EIF2AK3: variants seen among roughly 807,000 people sequenced by gnomAD.
EIF2AK3 encodes eukaryotic translation initiation factor 2 alpha kinase 3, also known as eukaryotic translation initiation factor 2-alpha kinase 3.
A neutral mutation model predicts 113.5 loss-of-function variants in EIF2AK3; 50 were observed. That is an observed-to-expected ratio of 0.44 (90% confidence interval 0.35 to 0.56). The LOEUF (loss-of-function observed/expected upper bound fraction) is 0.56. EIF2AK3 is among the 20% of genes least tolerant of loss of function. EIF2AK3 has a pLI of 0.00. For missense variants in EIF2AK3, 1,185 were observed against 1,378.0 expected (o/e 0.86, Z 2.22); for synonymous variants, 448 against 495.4 (o/e 0.90, Z 1.27).
rs192721533 is a variant in EIF2AK3, at chr2:88,572,680, C to T, written c.2818-1639G>A. On this transcript the variant is annotated intron_variant, in intron 13 of 16. Transcript: ENST00000303236. The stretch of plus-strand genomic sequence containing the variant: ...TCAACAGTTTAGCCATGTGGGCCAA[C>T]AGATTTCCTTTTCTGGTTAAGTCAG... Among the ~76,000 whole-genome samples the T allele has an allele frequency of 1.2e-3, 176 of 152,328 alleles. 1 individual carries two copies. Among genetic ancestry groups the T allele is most frequent in the African/African-American group, 4.0e-3 (166 of 41,568 alleles).
rs939775563 is a variant in EIF2AK3 at position 88,595,493 on chromosome 2, A to G, written c.609T>C (p.Tyr203=). Reference sequence around the variant, plus strand: ...CCTTTCCACTATATGCACTGAGTCCATATGTAGTCAGAGATTTTCCTCCAA... The same window carrying G: ...CCTTTCCACTATATGCACTGAGTCCGTATGTAGTCAGAGATTTTCCTCCAA... ...VLVGGKSLTT[Y]GLSAYSGKVR... The change falls in exon 3 of 17, where the codon TAT becomes TAC. Residue 203 remains tyrosine (Y), a synonymous_variant. Transcript: ENST00000303236. 1 of 1,614,044 alleles carries G rather than the reference A, an allele frequency of 6.2e-7. No individual in the cohort carries two copies. The highest frequency in any genetic ancestry group is 1.6e-4 in the Middle Eastern group (1 of 6,062).
chr2:88,562,180 T>G, intron 15 of EIF2AK3, 109 bp downstream of exon 15: 1 of 838,452 alleles, frequency 1.2e-6, no homozygotes, highest in Non-Finnish European at 2.0e-6. Context: ...TCACTTTTAG[T>G]TAACCAATCT....
At chr2:88,620,011 G>T (rs1278456684) in intron 1 of EIF2AK3, among the ~76,000 whole-genome samples, 1 of 150,480 alleles carries the variant, frequency 6.6e-6, no homozygotes, top group African/African-American at 2.4e-5. Flanking sequence ...TCTTGCTCTA[G>T]AAGATTCTCA....
At chr2:88,575,501 C>T (rs1674435775) in intron 12 of EIF2AK3, 55 bp from the exon 13 acceptor site, 2 of 1,577,098 alleles carry the variant, frequency 1.3e-6, no homozygotes, top group South Asian at 2.2e-5. Context: ...GATTCAAGTA[C>T]CTGAACTGCA....
chr2:88,582,376 C>T (rs1674621628), intron 10 of EIF2AK3, among the ~76,000 whole-genome samples: 1 of 152,128 alleles, frequency 6.6e-6, no homozygotes, highest in Non-Finnish European at 1.5e-5. Flanking sequence ...ACAATCCAAT[C>T]CAGGCAGAAC....
chr2:88,584,933 C>T (rs1008357714), intron 9 of EIF2AK3, among the ~76,000 whole-genome samples: 11 of 151,886 alleles, frequency 7.2e-5, no homozygotes, highest in African/African-American at 1.5e-4. Context: ...AGGCAGGGTA[C>T]GAATCATTCA....
At chr2:88,598,483 A>G (rs1285009524) in intron 2 of EIF2AK3, among the ~76,000 whole-genome samples, 1 of 152,234 alleles carries the variant, frequency 6.6e-6, no homozygotes, top group Non-Finnish European at 1.5e-5. Context: ...CCTATGTAGT[A>G]TTCCAGCCAA....
upstream of EIF2AK3, chr2:88,627,470 G>A (rs1675902523): frequency 4.9e-6 from 3 of 611,984 alleles, no homozygotes; most frequent in South Asian, 1.3e-4. Flanking sequence ...AGCCTATCTC[G>A]GACATCGCCC....
At chr2:88,590,704 C>A (rs1674865681) in intron 5 of EIF2AK3, 99 bp from the exon 6 acceptor site, 5 of 1,568,886 alleles carry the variant, frequency 3.2e-6, no homozygotes, top group Admixed American at 3.4e-5. Context: ...TATAAAAGCA[C>A]AGAGAACAAG....
In EIF2AK3 at chr2:88,575,176, A is replaced by G; in HGVS notation, c.2307T>C (p.Cys769=). 1 of 1,613,530 alleles carries G rather than the reference A, an allele frequency of 6.2e-7. No individual in the cohort carries two copies. Among genetic ancestry groups the G allele is most frequent in the Non-Finnish European group, 8.5e-7 (1 of 1,179,650 alleles). Residue 769 remains cysteine (C), a synonymous_variant, in exon 13 of 17, where the codon TGT becomes TGC. Transcript: ENST00000303236. ...YNLQDSCLTD[C]DVEDGTMDGN... ...CATCCATAGTCCCATCTTCCACATC[A>G]CAGTCTGTAAGGCAACTGTCCTGGA...
At chr2:88,578,400 T>C (rs1674515149) in intron 11 of EIF2AK3, among the ~76,000 whole-genome samples, 1 of 150,596 alleles carries the variant, frequency 6.6e-6, no homozygotes, top group Non-Finnish European at 1.5e-5. Context: ...ATACAAAAAT[T>C]AGCCGAGTGT....
intron 2 of EIF2AK3, 186 bp from the exon 3 acceptor site, chr2:88,595,849 A>G (rs1370880311): frequency 1.9e-5 from 13 of 683,224 alleles, no homozygotes; most frequent in Middle Eastern, 2.4e-4. Context: ...CCATCAACCA[A>G]AAGTAATTTA....
chr2:88,592,037 CTGCAT>C (rs1240425147), intron 4 of EIF2AK3, among the ~76,000 whole-genome samples: 3 of 152,172 alleles, frequency 2.0e-5, no homozygotes, highest in Non-Finnish European at 4.4e-5. Flanking sequence ...CTGAATTACA[CTGCAT>C]CGGATCAGAC....
chr2:88,573,132 G>A (rs1478218154), intron 13 of EIF2AK3, among the ~76,000 whole-genome samples: 1 of 150,930 alleles, frequency 6.6e-6, no homozygotes, highest in Non-Finnish European at 1.5e-5. Context: ...TTTTGGTTGG[G>A]GGTGGCGCAC....
chr2:88,627,172 C>A lies in EIF2AK3; in HGVS notation c.103G>T (p.Gly35Cys). The change falls in exon 1 of 17, where the codon GGC (glycine) becomes TGC (cysteine). Residue 35 changes from glycine (G) to cysteine (C), a missense_variant. Coordinates refer to ENST00000303236, the MANE Select transcript of EIF2AK3 (RefSeq NM_004836.7). ...ARTVAAGRARGLPAPTAEAAF... is the reference protein window; with the variant it reads ...ARTVAAGRARCLPAPTAEAAF... Reference sequence around the variant, plus strand: ...GCCTCCGCCGTCGGCGCTGGGAGGCCACGGGCGCGCCCCGCGGCCACCGTC... The same window carrying A: ...GCCTCCGCCGTCGGCGCTGGGAGGCAACGGGCGCGCCCCGCGGCCACCGTC... 6.9e-7 allele frequency: 1 copy of A among 1,442,062 alleles called. No individual in the cohort carries two copies. Among genetic ancestry groups the A allele is most frequent in the Non-Finnish European group, 9.1e-7 (1 of 1,103,368 alleles). 89.3% of individuals were successfully genotyped at this position (1,442,062 alleles called of 1,614,324 possible).
chr2:88,619,688 T>C (rs973015902), intron 1 of EIF2AK3, among the ~76,000 whole-genome samples: 1 of 152,210 alleles, frequency 6.6e-6, no homozygotes, highest in Non-Finnish European at 1.5e-5. Context: ...GCACGGTGAC[T>C]CACCCCTGTA....
intron 2 of EIF2AK3, among the ~76,000 whole-genome samples, chr2:88,596,389 T>C (rs967742910): frequency 7.2e-5 from 11 of 152,166 alleles, no homozygotes; most frequent in African/African-American, 2.4e-5. Context: ...ATCACTGCCT[T>C]TGTGAAGGTT....
intron 11 of EIF2AK3, among the ~76,000 whole-genome samples, chr2:88,579,180 CA>C (rs1674536221): frequency 6.6e-6 from 1 of 152,092 alleles, no homozygotes; most frequent in Admixed American, 6.5e-5. Flanking sequence ...CAATATAATT[CA>C]AATGTTTTTG....
chr2:88,627,340 G>A lies in EIF2AK3; in HGVS notation c.-66C>T. 7.1e-7 allele frequency: 1 copy of A among 1,418,246 alleles called. No homozygotes were observed. Among genetic ancestry groups the A allele is most frequent in the South Asian group, 1.4e-5 (1 of 71,626 alleles). The allele number at this position is 1,418,246 out of a possible 1,614,324, so 87.9% of individuals were successfully genotyped here. A position where few individuals can be genotyped will look rare whatever the true frequency, so the allele number is the denominator to read the frequency against. ...TGACGCCTGCCTCTCCCGCCGCTTG[G>A]AGCTCCCAAGAAGGCAAGGACGTGC... On this transcript the variant is annotated 5_prime_UTR_variant, in exon 1 of 17. Transcript: ENST00000303236.
Sources: allele counts gnomAD v4.1 joint callset (sites outside exome capture counted in the v4.1 genomes callset), GRCh38; gene constraint gnomAD v4.1.1; transcripts MANE v1.5; gene names NCBI Gene and HGNC (gene_info 2026-07-23, HGNC 2026-07-21).